The following REPS2 variants were observed in gnomAD, a reference collection of about 807,000 sequenced individuals.
REPS2 encodes RALBP1 associated Eps domain containing 2.
In REPS2, 23 loss-of-function variants were observed where a neutral mutation model predicts 53.6. That is an observed-to-expected ratio of 0.43 (90% confidence interval 0.31 to 0.61). The LOEUF (loss-of-function observed/expected upper bound fraction) is 0.61. Among genes scored for constraint, REPS2 ranks in the 20% least tolerant of loss-of-function variants. The pLI is 0.11. For synonymous variants in REPS2, 238 were observed against 218.6 expected (o/e 1.09, Z -0.78); for missense variants, 446 against 534.9 (o/e 0.83, Z 1.64).
At chrX:16,951,331 A>G (rs929220113) in intron 1 of REPS2, among the ~76,000 whole-genome samples, 12 of 111,628 alleles carry the variant, frequency 1.1e-4, no homozygotes, top group African/African-American at 3.9e-4. Flanking sequence ...ATAAGTCAGC[A>G]CAGGGAAATA....
intron 17 of REPS2, among the ~76,000 whole-genome samples, chrX:17,140,164 C>T (rs1348480232): frequency 9.0e-6 from 1 of 111,665 alleles, no homozygotes; most frequent in Non-Finnish European, 1.9e-5. Context: ...CAGTAATTTT[C>T]TCTTCCTTCC....
At chrX:16,975,008 C>G (rs1316976461) in intron 1 of REPS2, among the ~76,000 whole-genome samples, 1 of 111,377 alleles carries the variant, frequency 9.0e-6, no homozygotes, top group Non-Finnish European at 1.9e-5. Flanking sequence ...AGGATAATGG[C>G]CCCCAGCTCC....
chrX:17,068,042 G>A (rs1255706233), intron 9 of REPS2, among the ~76,000 whole-genome samples: 1 of 111,921 alleles, frequency 8.9e-6, no homozygotes, highest in Non-Finnish European at 1.9e-5. Context: ...GGCTGGGCGC[G>A]GTGGCTCACG....
chrX:17,124,002 C>T lies in REPS2; in HGVS notation c.1579-9822C>T, dbSNP rs149474486. 2.7e-4 allele frequency among the ~76,000 whole-genome samples: 30 copies of T among 112,727 alleles called. No individual in the cohort carries two copies. In the East Asian group the frequency reaches 7.2e-3, roughly 27 times the overall value. ...ACAGTTACTGTGTAATTGTGCTTAG[C>T]ACACTAGACAGATATTTTGCTTAAT... On this transcript the variant is annotated intron_variant, in intron 14 of 17. Transcript: ENST00000357277.
chrX:17,000,996 C>T (rs372010248), intron 1 of REPS2, among the ~76,000 whole-genome samples: 85 of 111,808 alleles, frequency 7.6e-4, no homozygotes, highest in African/African-American at 2.6e-3. Context: ...TGAGTACTGG[C>T]TCTGAATTTG....
intron 13 of REPS2, among the ~76,000 whole-genome samples, chrX:17,080,923 T>C (rs192344977): frequency 3.6e-5 from 4 of 111,503 alleles, no homozygotes; most frequent in African/African-American, 1.3e-4. Context: ...CACTTGGGAA[T>C]GTGAGGGTGG....
intron 8 of REPS2, among the ~76,000 whole-genome samples, chrX:17,060,332 TAAAA>T (rs1329945388): frequency 9.0e-6 from 1 of 110,659 alleles, no homozygotes; most frequent in Non-Finnish European, 1.9e-5. Flanking sequence ...AATAAAAAAA[TAAAA>T]AAAGTCACCT....
At chrX:17,084,078 C>T (rs1407617676) in intron 13 of REPS2, among the ~76,000 whole-genome samples, 1 of 108,028 alleles carries the variant, frequency 9.3e-6, no homozygotes, top group East Asian at 2.9e-4. Context: ...TCCCATTCCC[C>T]CCTTTTCTTC....
At position 16,984,190 on chromosome X, in the gene REPS2, C is replaced by T. The variant is rs150856551; in HGVS notation, c.274-22031C>T. Among the ~76,000 whole-genome samples the T allele has an allele frequency of 7.9e-3, 889 of 111,940 alleles. 9 individuals are homozygous for T. The highest frequency in any genetic ancestry group is 0.028 in the African/African-American group (859 of 30,808). On this transcript the variant is annotated intron_variant, in intron 1 of 17. Coordinates refer to ENST00000357277, the MANE Select transcript of REPS2 (RefSeq NM_004726.3). ...AACAAGTTGTCTTCCAGGGCTGCAG[C>T]GATCTGAAGACCTGATTGGAGCAGG...
intron 1 of REPS2, among the ~76,000 whole-genome samples, chrX:16,957,388 C>T (rs1402056558): frequency 9.8e-6 from 1 of 102,259 alleles, no homozygotes; most frequent in African/African-American, 3.5e-5. Flanking sequence ...CCAGCCTAGG[C>T]GACAGAGGCG....
chrX:17,089,401 G>A (rs1253470561), intron 13 of REPS2, among the ~76,000 whole-genome samples: 4 of 110,850 alleles, frequency 3.6e-5, no homozygotes, highest in Non-Finnish European at 7.6e-5. Context: ...GAGGTATATA[G>A]ATCATAAAGT....
chrX:16,948,412 G>A (rs1365688722), intron 1 of REPS2, among the ~76,000 whole-genome samples: 1 of 112,402 alleles, frequency 8.9e-6, no homozygotes, highest in Admixed American at 9.4e-5. Flanking sequence ...TTGCTGATGA[G>A]TAGTTGAGCT....
the REPS2 span, among the ~76,000 whole-genome samples, chrX:17,164,717 T>TA: frequency 0.018 from 2,019 of 110,999 alleles, 19 homozygotes; most frequent in Non-Finnish European, 0.028. Context: ...CCCCAGTCAA[T>TA]AACCTAATTT....
At chrX:17,143,219 A>G (rs1300813981) in intron 17 of REPS2, among the ~76,000 whole-genome samples, 1 of 112,278 alleles carries the variant, frequency 8.9e-6, no homozygotes, top group Non-Finnish European at 1.9e-5. Flanking sequence ...TTGAACTGTA[A>G]TGTGTCTTCT....
At chrX:16,988,423 CA>C (rs1445928895) in intron 1 of REPS2, among the ~76,000 whole-genome samples, 1 of 112,197 alleles carries the variant, frequency 8.9e-6, no homozygotes, top group Non-Finnish European at 1.9e-5. Flanking sequence ...GATAAACATA[CA>C]AAAATGAGTT....
chrX:16,961,817 A>G (rs1295047413), intron 1 of REPS2, among the ~76,000 whole-genome samples: 1 of 112,297 alleles, frequency 8.9e-6, no homozygotes, highest in Non-Finnish European at 1.9e-5. Context: ...TAACCCGATT[A>G]AAAAATAGGC....
At chrX:17,041,398 A>G (rs1015136354) in intron 5 of REPS2, among the ~76,000 whole-genome samples, 1 of 111,513 alleles carries the variant, frequency 9.0e-6, no homozygotes, top group African/African-American at 3.3e-5. Flanking sequence ...TGCTTCTGTG[A>G]CTTTTTTTTC....
intron 2 of REPS2, 68 bp downstream of exon 2, chrX:17,006,412 A>G: frequency 9.5e-7 from 1 of 1,051,708 alleles, no homozygotes; most frequent in Non-Finnish European, 1.3e-6. Flanking sequence ...ACCATTTTTA[A>G]TGAGTTTAAA....
chrX:16,964,922 G>C (rs552403959), intron 1 of REPS2, among the ~76,000 whole-genome samples: 47 of 12,679 alleles, frequency 3.7e-3, no homozygotes, highest in Admixed American at 5.3e-3. Context: ...GGCTGACCCC[G>C]CCACCTCCCT....
Sources: allele counts gnomAD v4.1 joint callset (sites outside exome capture counted in the v4.1 genomes callset), GRCh38; gene constraint gnomAD v4.1.1; transcripts MANE v1.5; gene names NCBI Gene and HGNC (gene_info 2026-07-23, HGNC 2026-07-21).